Variants in ZC3H12B observed in about 807,000 individuals in gnomAD.
ZC3H12B encodes zinc finger CCCH-type containing 12B, also known as probable ribonuclease ZC3H12B.
In ZC3H12B, 7 loss-of-function variants were observed where a neutral mutation model predicts 43.9. The observed-to-expected ratio is 0.16, with a 90% CI of 0.09 to 0.30. The LOEUF is 0.30. ZC3H12B is among the 10% of genes least tolerant of loss of function. The pLI is 1.00. For missense variants in ZC3H12B, 475 were observed against 670.2 expected (o/e 0.71, Z 3.22); for synonymous variants, 222 against 241.7 (o/e 0.92, Z 0.76).
chrX:65,176,443 G>A, the ZC3H12B span, among the ~76,000 whole-genome samples: 1 of 111,538 alleles, frequency 9.0e-6, no homozygotes, highest in Non-Finnish European at 1.9e-5. Flanking sequence ...GGGTGAATGG[G>A]CAGTTGTGGG....
At chrX:65,497,888 C>T (rs183472379) in intron 2 of ZC3H12B, among the ~76,000 whole-genome samples, 102 of 111,462 alleles carry the variant, frequency 9.2e-4, no homozygotes, top group African/African-American at 2.8e-3. Flanking sequence ...CAATTGAAAA[C>T]GAAATTTTTA....
the ZC3H12B span, among the ~76,000 whole-genome samples, chrX:65,347,996 C>A: frequency 9.0e-6 from 1 of 110,605 alleles, no homozygotes; most frequent in Middle Eastern, 4.6e-3. Flanking sequence ...GACCAAAAAC[C>A]AAACACTGCG....
the ZC3H12B span, among the ~76,000 whole-genome samples, chrX:65,301,688 G>A: frequency 1.8e-5 from 2 of 110,964 alleles, no homozygotes; most frequent in African/African-American, 6.6e-5. Flanking sequence ...TGATACCATG[G>A]ACTTGAGAAA....
At chrX:65,249,467 A>G in the ZC3H12B span, among the ~76,000 whole-genome samples, 71 of 112,123 alleles carry the variant, frequency 6.3e-4, no homozygotes, top group African/African-American at 2.0e-3. Context: ...ATGGCCTTAT[A>G]GTATACTTTG....
At chrX:65,114,514 A>G in the ZC3H12B span, among the ~76,000 whole-genome samples, 1 of 110,334 alleles carries the variant, frequency 9.1e-6, no homozygotes, top group Admixed American at 9.7e-5. Flanking sequence ...AAGTTGTCAG[A>G]TGTCTGTGTG....
Position 65,462,422 on chromosome X carries a change from G to T in ZC3H12B, n.408-26224G>T, listed in dbSNP as rs1003795783. ...AGCTACTCGGGAGGCTGAGGCACGAGAATTGCTTAAACGGGGAAGGTGGAA... is the reference window on the plus strand; with the variant it reads ...AGCTACTCGGGAGGCTGAGGCACGATAATTGCTTAAACGGGGAAGGTGGAA... On this transcript the variant is annotated intron_variant and non_coding_transcript_variant, in intron 3 of 5. Transcript: ENST00000617377. Among the ~76,000 whole-genome samples, 6 of 111,359 alleles carry T rather than the reference G, an allele frequency of 5.4e-5. 1 individual carries two copies. Among genetic ancestry groups the T allele is most frequent in the African/African-American group, 2.0e-4 (6 of 30,634 alleles).
the ZC3H12B span, among the ~76,000 whole-genome samples, chrX:65,041,879 G>T: frequency 8.9e-6 from 1 of 111,847 alleles, no homozygotes. Context: ...GATGTTCTGA[G>T]ATGAAATTCT....
chrX:65,051,587 G>A, the ZC3H12B span, among the ~76,000 whole-genome samples: 2 of 111,532 alleles, frequency 1.8e-5, no homozygotes, highest in South Asian at 7.4e-4. Context: ...TATGAACAAA[G>A]AAACTATCCT....
chrX:65,247,396 CAA>C, the ZC3H12B span, among the ~76,000 whole-genome samples: 1 of 111,724 alleles, frequency 9.0e-6, no homozygotes, highest in South Asian at 3.7e-4. Context: ...GGTATATACC[CAA>C]AGGAATATAA....
intron 3 of ZC3H12B, among the ~76,000 whole-genome samples, chrX:65,431,381 G>C (rs775122236): frequency 8.9e-6 from 1 of 112,504 alleles, no homozygotes; most frequent in South Asian, 3.7e-4. Flanking sequence ...TGTCATATCA[G>C]AGGTTTGTAT....
chrX:65,232,230 G>C, the ZC3H12B span, among the ~76,000 whole-genome samples: 1 of 110,961 alleles, frequency 9.0e-6, no homozygotes, highest in African/African-American at 3.3e-5. Flanking sequence ...GACAGAGTAA[G>C]ACTCTGTCTC....
the ZC3H12B span, among the ~76,000 whole-genome samples, chrX:65,239,033 G>T: frequency 8.9e-6 from 1 of 112,359 alleles, no homozygotes; most frequent in Non-Finnish European, 1.9e-5. Context: ...TAAGTGCCAT[G>T]TGGCAATGAG....
At chrX:65,236,246 G>A in the ZC3H12B span, among the ~76,000 whole-genome samples, 1 of 111,779 alleles carries the variant, frequency 8.9e-6, no homozygotes, top group African/African-American at 3.3e-5. Context: ...AGTTTCACGA[G>A]GGACCTGTTC....
At chrX:65,262,267 A>G in the ZC3H12B span, among the ~76,000 whole-genome samples, 2 of 111,325 alleles carry the variant, frequency 1.8e-5, no homozygotes, top group Admixed American at 9.5e-5. Flanking sequence ...CTACCTATAG[A>G]TCTTAATTGG....
At chrX:65,415,050 G>A (rs2066944377) in intron 3 of ZC3H12B, among the ~76,000 whole-genome samples, 1 of 112,442 alleles carries the variant, frequency 8.9e-6, no homozygotes, top group African/African-American at 3.2e-5. Context: ...ATTAATACGT[G>A]TAGATATACA....
the ZC3H12B span, among the ~76,000 whole-genome samples, chrX:65,269,350 A>G: frequency 9.2e-6 from 1 of 109,167 alleles, no homozygotes; most frequent in Non-Finnish European, 1.9e-5. Context: ...TCTCAAAAAC[A>G]AAAACAAAAC....
At chrX:65,355,709 A>G in the ZC3H12B span, among the ~76,000 whole-genome samples, 1 of 111,943 alleles carries the variant, frequency 8.9e-6, no homozygotes. Context: ...ATGGTGGAAC[A>G]TGCCTGTAAT....
chrX:65,196,883 T>A, the ZC3H12B span, among the ~76,000 whole-genome samples: 1 of 111,762 alleles, frequency 8.9e-6, no homozygotes, highest in African/African-American at 3.3e-5. Context: ...CAACTATCAG[T>A]CCCTGTCTTA....
the ZC3H12B span, among the ~76,000 whole-genome samples, chrX:65,156,663 G>T: frequency 1.8e-5 from 2 of 111,106 alleles, no homozygotes; most frequent in Admixed American, 1.9e-4. Flanking sequence ...TTACAGGCAT[G>T]AGCCACCGCA....
Sources: gnomAD v4.1 joint callset for allele counts (sites outside exome capture counted in the v4.1 genomes callset) on GRCh38, gnomAD v4.1.1 for gene constraint, MANE v1.5 for transcripts, NCBI Gene and HGNC (gene_info 2026-07-23, HGNC 2026-07-21) for gene names.